The following MBOAT2 variants were observed in gnomAD, a reference collection of about 807,000 sequenced individuals.
MBOAT2 encodes the protein membrane bound glycerophospholipid O-acyltransferase 2.
In MBOAT2, 28 loss-of-function variants were observed where a neutral mutation model predicts 63.4. The ratio of observed to expected loss-of-function variants is 0.44; its 90% confidence interval spans 0.33 to 0.61. The LOEUF (loss-of-function observed/expected upper bound fraction) is 0.61, where lower values mean the gene tolerates loss of function less well. MBOAT2 is among the 20% of genes least tolerant of loss of function. The pLI, the probability that MBOAT2 is intolerant of heterozygous loss-of-function variation, is 0.03. For missense variants in MBOAT2, 470 were observed against 605.8 expected (o/e 0.78, Z 2.35); for synonymous variants, 211 against 215.6 (o/e 0.98, Z 0.19).
chr2:8,890,577 T>A (rs1663921116), intron 4 of MBOAT2, among the ~76,000 whole-genome samples: 1 of 152,180 alleles, frequency 6.6e-6, no homozygotes, highest in South Asian at 2.1e-4. Flanking sequence ...TGGAGTGCAG[T>A]GGTGCAATCT....
intron 1 of MBOAT2, among the ~76,000 whole-genome samples, chr2:8,992,048 C>G (rs937750633): frequency 6.6e-6 from 1 of 152,202 alleles, no homozygotes; most frequent in Non-Finnish European, 1.5e-5. Context: ...ACCTCACAAT[C>G]TGGTCAGCTA....
At chr2:8,908,075 T>C (rs1285331189) in intron 4 of MBOAT2, 1 of 152,244 alleles carries the variant, frequency 6.6e-6, no homozygotes, top group Non-Finnish European at 1.5e-5. Flanking sequence ...TATCTTCAAC[T>C]TCCCCATCTG....
intron 4 of MBOAT2, among the ~76,000 whole-genome samples, chr2:8,895,296 C>T (rs1374034186): frequency 1.3e-5 from 2 of 152,090 alleles, no homozygotes; most frequent in East Asian, 3.8e-4. Context: ...GCTGATTGGT[C>T]CATTTTACAG....
chr2:8,873,497 T>A (rs1203717495), intron 7 of MBOAT2, among the ~76,000 whole-genome samples, 197 bp from the exon 8 acceptor site: 1 of 152,214 alleles, frequency 6.6e-6, no homozygotes, highest in East Asian at 1.9e-4. Flanking sequence ...ACTGTATCTA[T>A]AAGTACTACC....
chr2:8,887,138 C>CCCT (rs1401274896), intron 5 of MBOAT2, among the ~76,000 whole-genome samples: 1 of 152,206 alleles, frequency 6.6e-6, no homozygotes, highest in African/African-American at 2.4e-5. Context: ...TCCTCATGTT[C>CCCT]CCTCCTGTAT....
At chr2:8,971,652 A>C (rs1265531298) in intron 1 of MBOAT2, among the ~76,000 whole-genome samples, 1 of 152,230 alleles carries the variant, frequency 6.6e-6, no homozygotes, top group Non-Finnish European at 1.5e-5. Context: ...TTAAGCTGAT[A>C]AGCAACTTCA....
intron 3 of MBOAT2, among the ~76,000 whole-genome samples, chr2:8,923,309 A>G (rs1454702333): frequency 2.6e-5 from 4 of 152,166 alleles, no homozygotes; most frequent in African/African-American, 9.7e-5. Flanking sequence ...CCTACAGAAA[A>G]CATTACTATT....
chr2:8,886,731 A>G (rs1309205714), intron 5 of MBOAT2, among the ~76,000 whole-genome samples: 2 of 152,234 alleles, frequency 1.3e-5, no homozygotes, highest in African/African-American at 4.8e-5. Context: ...TTGAATATAT[A>G]TATTGTCATC....
intron 6 of MBOAT2, among the ~76,000 whole-genome samples, chr2:8,879,821 G>A (rs1374712510): frequency 6.6e-6 from 1 of 152,202 alleles, no homozygotes; most frequent in Non-Finnish European, 1.5e-5. Flanking sequence ...AGTGACAGGG[G>A]CAGGGAGAGG....
In MBOAT2 at chr2:8,856,286, T is replaced by A. The variant is rs905617654; in HGVS notation, c.*2393A>T. 1 of 145,920 alleles carries A rather than the reference T, an allele frequency of 6.9e-6. No individual in the cohort carries two copies. The allele number at this position is 145,920 out of a possible 1,614,324, so 9.0% of individuals were successfully genotyped here. On this transcript the variant is annotated 3_prime_UTR_variant, in exon 13 of 13. Coordinates refer to ENST00000305997, the MANE Select transcript of MBOAT2 (RefSeq NM_138799.4). This position sits in a 1 kb window ranked among gnomAD's most constrained non-coding sequence, Gnocchi z 4.2. Reference sequence around the variant, plus strand: ...TAACAGAAATGTGATTATTTGTAGGTGGCTAGATAGGCTGAACCAAAAAAA... The same window carrying A: ...TAACAGAAATGTGATTATTTGTAGGAGGCTAGATAGGCTGAACCAAAAAAA...
intron 1 of MBOAT2, among the ~76,000 whole-genome samples, chr2:8,963,967 GTACCCT>G (rs1669808633): frequency 6.6e-6 from 1 of 152,172 alleles, no homozygotes; most frequent in Non-Finnish European, 1.5e-5. Flanking sequence ...GCACAACCAG[GTACCCT>G]TACTCCAGAG....
At chr2:8,945,360 T>C (rs951422696) in intron 2 of MBOAT2, among the ~76,000 whole-genome samples, 2 of 152,186 alleles carry the variant, frequency 1.3e-5, no homozygotes, top group Admixed American at 1.3e-4. Context: ...CTTGTTCTCA[T>C]TGGTAAAGTG....
At chr2:8,996,461 T>C (rs539048507) in intron 1 of MBOAT2, among the ~76,000 whole-genome samples, 1 of 152,274 alleles carries the variant, frequency 6.6e-6, no homozygotes, top group East Asian at 1.9e-4. Context: ...TCCTCTCTAT[T>C]CTGTGCCCCC....
intron 3 of MBOAT2, among the ~76,000 whole-genome samples, chr2:8,923,638 T>C (rs1281293625): frequency 1.3e-5 from 2 of 152,126 alleles, no homozygotes; most frequent in Non-Finnish European, 2.9e-5. Flanking sequence ...TTCTGGGCAG[T>C]AGTCAAGAAG....
chr2:8,950,757 G>A (rs1213678339), intron 2 of MBOAT2, among the ~76,000 whole-genome samples: 2 of 152,162 alleles, frequency 1.3e-5, no homozygotes, highest in Non-Finnish European at 2.9e-5. Flanking sequence ...CATTCAGTAT[G>A]ATATTGGCTG....
intron 7 of MBOAT2, among the ~76,000 whole-genome samples, chr2:8,874,673 A>G (rs1662576589): frequency 6.6e-6 from 1 of 152,162 alleles, no homozygotes; most frequent in South Asian, 2.1e-4. Context: ...TGTATGCCCT[A>G]GGCAGAAAAC....
intron 4 of MBOAT2, among the ~76,000 whole-genome samples, chr2:8,901,866 C>T (rs192220972): frequency 6.6e-6 from 1 of 152,180 alleles, no homozygotes; most frequent in Non-Finnish European, 1.5e-5. Context: ...TTTTTAGAAG[C>T]AGGACTAGCC....
intron 2 of MBOAT2, among the ~76,000 whole-genome samples, chr2:8,951,981 G>C (rs930926939): frequency 1.3e-5 from 2 of 152,080 alleles, no homozygotes; most frequent in African/African-American, 4.8e-5. Context: ...AGGTTAGTTT[G>C]TTCTCGTTTT....
chr2:8,861,092 C>T (rs917949768), intron 11 of MBOAT2: 1 of 157,934 alleles, frequency 6.3e-6, no homozygotes, highest in African/African-American at 2.4e-5. Flanking sequence ...ATAAAAGTTT[C>T]CAAAAAAAAA....
Sources: gnomAD v4.1 joint callset for allele counts (sites outside exome capture counted in the v4.1 genomes callset) on GRCh38, gnomAD v4.1.1 for gene constraint, Gnocchi (gnomAD v3.1) non-coding constraint, MANE v1.5 for transcripts, NCBI Gene and HGNC (gene_info 2026-07-23, HGNC 2026-07-21) for gene names.